KLHL29: variants seen among roughly 807,000 people sequenced by gnomAD.
KLHL29 encodes the protein kelch-like protein 29.
In KLHL29, 21 loss-of-function variants were observed where a neutral mutation model predicts 80.4. That is an observed-to-expected ratio of 0.26 (90% CI 0.19 to 0.38). KLHL29 has a LOEUF of 0.38. KLHL29 is among the 10% of genes least tolerant of loss of function. The probability of loss-of-function intolerance (pLI) is 1.00; values close to 1 mark genes in which losing one functional copy is unlikely to be tolerated. For missense variants in KLHL29, 867 were observed against 1,223.9 expected, an observed-to-expected ratio of 0.71 and a Z score of 4.35; for synonymous variants, 511 against 526.8, an observed-to-expected ratio of 0.97 and a Z score of 0.41.
intron 6 of KLHL29, chr2:23,685,301 G>A (rs370505543): frequency 2.0e-5 from 3 of 151,738 alleles, no homozygotes; most frequent in African/African-American, 7.3e-5. Flanking sequence ...CCTTTGCAAA[G>A]AAGTCAGGGG....
chr2:23,602,667 G>A (rs1392545116), intron 3 of KLHL29, among the ~76,000 whole-genome samples: 5 of 149,874 alleles, frequency 3.3e-5, no homozygotes, highest in Non-Finnish European at 7.4e-5. Flanking sequence ...TGCCCAGACT[G>A]GTCTCGAACT....
Position 23,457,437 on chromosome 2 carries a change from ATGGTTCTGGGGCC to A in KLHL29, c.-153-18122_-153-18110del, listed in dbSNP as rs1448916062. Among the ~76,000 whole-genome samples, 1 of 152,022 alleles carries A rather than the reference ATGGTTCTGGGGCC, an allele frequency of 6.6e-6. No individual in the cohort carries two copies. Among genetic ancestry groups the A allele is most frequent in the East Asian group, 1.9e-4 (1 of 5,180 alleles). On this transcript the variant is annotated intron_variant, in intron 1 of 13. Coordinates refer to ENST00000486442, the MANE Select transcript of KLHL29 (RefSeq NM_052920.2). This position sits in a 1 kb window ranked among gnomAD's most constrained non-coding sequence, Gnocchi z 4.3. ...TTCTGATCCATTAAGTGGTTTTGGCATGGTTCTGGGGCCCTTCCCCTCCAGGACCCCTGCGGTG... is the reference window on the plus strand; with the variant it reads ...TTCTGATCCATTAAGTGGTTTTGGCACTTCCCCTCCAGGACCCCTGCGGTG...
intron 2 of KLHL29, among the ~76,000 whole-genome samples, chr2:23,514,151 G>A (rs1357607185): frequency 1.3e-5 from 2 of 152,186 alleles, no homozygotes; most frequent in African/African-American, 4.8e-5. Context: ...GCGTAGGCAG[G>A]GTTTGTAAGG....
At chr2:23,581,836 A>AAAAAAC (rs1426131180) in intron 3 of KLHL29, among the ~76,000 whole-genome samples, 1 of 151,674 alleles carries the variant, frequency 6.6e-6, no homozygotes, top group African/African-American at 2.4e-5. Flanking sequence ...CTCAAAAAAA[A>AAAAAAC]AAAAAAAAAA....
At chr2:23,547,845 G>A (rs1667016863) in intron 2 of KLHL29, among the ~76,000 whole-genome samples, 1 of 152,082 alleles carries the variant, frequency 6.6e-6, no homozygotes, top group South Asian at 2.1e-4. Context: ...AGCAGTGCTG[G>A]ATGAGGCCAG....
At chr2:23,423,543 C>T (rs1407945881) in intron 1 of KLHL29, among the ~76,000 whole-genome samples, 21 of 152,230 alleles carry the variant, frequency 1.4e-4, no homozygotes, top group Non-Finnish European at 1.5e-5. Context: ...TGGTGTTTCT[C>T]TCAAAGGGAA....
intron 2 of KLHL29, among the ~76,000 whole-genome samples, chr2:23,484,748 C>G (rs528946871): frequency 2.9e-4 from 44 of 152,308 alleles, no homozygotes; most frequent in Admixed American, 2.3e-3. Context: ...CGCAGGTCCT[C>G]CCTGAACTAC....
chr2:23,423,872 T>C lies in KLHL29; in HGVS notation c.-154+38092T>C, dbSNP rs562085240. On this transcript the variant is annotated intron_variant, in intron 1 of 13. Coordinates refer to ENST00000486442, the MANE Select transcript of KLHL29 (RefSeq NM_052920.2). The stretch of plus-strand genomic sequence containing the variant: ...ATATGAAACAGCAGCAGTGTGTCTT[T>C]CTCCCTGAAGACGAGCAGGGAGCTT... 4.6e-5 allele frequency among the ~76,000 whole-genome samples: 7 copies of C among 152,236 alleles called. No homozygotes were observed. The East Asian group carries it at 1.4e-3, about 29-fold the overall frequency.
intron 1 of KLHL29, among the ~76,000 whole-genome samples, chr2:23,411,505 A>G (rs1183659274): frequency 6.6e-6 from 1 of 151,308 alleles, no homozygotes; most frequent in Non-Finnish European, 1.5e-5. Context: ...TAAGCTGCCA[A>G]GGTAGGTAAC....
At chr2:23,636,639 A>C (rs1350919449) in intron 3 of KLHL29, among the ~76,000 whole-genome samples, 1 of 152,208 alleles carries the variant, frequency 6.6e-6, no homozygotes, top group Non-Finnish European at 1.5e-5. Flanking sequence ...GGCAGGGCTG[A>C]GTCTTGGTCA....
In KLHL29 at chr2:23,501,033, C is replaced by T. The variant is rs573619268; in HGVS notation, c.-46+25366C>T. On this transcript the variant is annotated intron_variant, in intron 2 of 13. Coordinates refer to ENST00000486442, the MANE Select transcript of KLHL29 (RefSeq NM_052920.2). Reference sequence around the variant, plus strand: ...GTGGTGGCCCAGTCTGGAGAGCTGACGAGCAGCTTGATTAGCTGAAATTAC... The same window carrying T: ...GTGGTGGCCCAGTCTGGAGAGCTGATGAGCAGCTTGATTAGCTGAAATTAC... Among the ~76,000 whole-genome samples the T allele has an allele frequency of 7.9e-5, 12 of 152,232 alleles. No individual in the cohort carries two copies. The East Asian group carries it at 9.6e-4, about 12-fold the overall frequency.
chr2:23,414,608 C>A (rs1194070883), intron 1 of KLHL29, among the ~76,000 whole-genome samples: 1 of 152,094 alleles, frequency 6.6e-6, no homozygotes, highest in African/African-American at 2.4e-5. Flanking sequence ...GAGCCTCTTT[C>A]CCCCAAAGGT....
chr2:23,675,274 C>T (rs916705490), intron 5 of KLHL29, among the ~76,000 whole-genome samples: 3 of 152,162 alleles, frequency 2.0e-5, no homozygotes, highest in African/African-American at 7.2e-5. Context: ...CCAAACCAGG[C>T]ACTTACTCCA....
chr2:23,694,396 G>A (rs916383894), intron 8 of KLHL29, among the ~76,000 whole-genome samples: 1 of 151,884 alleles, frequency 6.6e-6, no homozygotes, highest in Admixed American at 6.6e-5. Flanking sequence ...CAGGATTACT[G>A]CAGCACCTCC....
In KLHL29 at chr2:23,695,885, G is replaced by A. The variant is rs996666538; in HGVS notation, c.1741+64G>A. 6.5e-7 allele frequency: 1 copy of A among 1,535,088 alleles called. No individual in the cohort carries two copies. The highest frequency in any genetic ancestry group is 1.2e-5 in the South Asian group (1 of 81,362). ...GTCTTGGGCTCAGTGGTTCCAGTGA[G>A]GTGCCAGGCACAGATGCCGACAGTC... On this transcript the variant is annotated intron_variant, in intron 9 of 13. Transcript: ENST00000486442. The surrounding 1 kb of genome is among the most constrained non-coding windows in gnomAD (Gnocchi z 7.6).
At chr2:23,693,159 G>T in intron 7 of KLHL29, 110 bp from the exon 8 acceptor site, 1 of 1,163,302 alleles carries the variant, frequency 8.6e-7, no homozygotes, top group Non-Finnish European at 1.1e-6. Context: ...ACTGCAGTCA[G>T]GGTCCCCCGG....
chr2:23,653,698 C>A (rs1183316383), intron 5 of KLHL29, among the ~76,000 whole-genome samples: 7 of 152,178 alleles, frequency 4.6e-5, no homozygotes, highest in Non-Finnish European at 5.9e-5. Context: ...AACTCTGACT[C>A]GAGAATATGG....
chr2:23,393,468 C>T (rs963933585), intron 1 of KLHL29, among the ~76,000 whole-genome samples: 2 of 152,148 alleles, frequency 1.3e-5, no homozygotes, highest in East Asian at 3.8e-4. Context: ...GCCGTCTGTC[C>T]TCTCTCAGGG....
intron 1 of KLHL29, among the ~76,000 whole-genome samples, chr2:23,401,454 C>T (rs1225913355): frequency 2.0e-5 from 3 of 152,186 alleles, no homozygotes; most frequent in African/African-American, 7.2e-5. Context: ...TTCTAAAGGA[C>T]TTCTTCTGAA....
Sources: gnomAD v4.1 joint callset for allele counts (sites outside exome capture counted in the v4.1 genomes callset) on GRCh38, gnomAD v4.1.1 for gene constraint, Gnocchi (gnomAD v3.1) non-coding constraint, MANE v1.5 for transcripts, NCBI Gene and HGNC (gene_info 2026-07-23, HGNC 2026-07-21) for gene names.